Variants in NXPE2 observed in about 807,000 individuals in gnomAD.
The protein encoded by NXPE2 is neurexophilin and PC-esterase domain family member 2.
A neutral mutation model predicts 34.4 loss-of-function variants in NXPE2; 34 were observed. That is an observed-to-expected ratio of 0.99 (90% CI 0.75 to 1.31). The LOEUF is 1.31. Ranked by LOEUF, NXPE2 falls within the 40% of genes most tolerant of loss-of-function variation. The probability of loss-of-function intolerance (pLI) is 0.00; values close to 1 mark genes in which losing one functional copy is unlikely to be tolerated. For missense variants in NXPE2, 649 were observed against 672.5 expected (o/e 0.97, Z 0.39); for synonymous variants, 235 against 231.3 (o/e 1.02, Z -0.15).
chr11:114,610,998 A>G, the NXPE2 span, among the ~76,000 whole-genome samples: 1 of 151,714 alleles, frequency 6.6e-6, no homozygotes, highest in Non-Finnish European at 1.5e-5. Context: ...TACCCACTGG[A>G]TAATAAATGT....
the NXPE2 span, among the ~76,000 whole-genome samples, chr11:114,772,600 T>C: frequency 1.3e-5 from 2 of 152,166 alleles, no homozygotes; most frequent in South Asian, 4.2e-4. Context: ...TCAGCTTTAT[T>C]AGGACACTAT....
At chr11:114,498,379 A>C in the NXPE2 span, among the ~76,000 whole-genome samples, 1 of 152,156 alleles carries the variant, frequency 6.6e-6, no homozygotes, top group Non-Finnish European at 1.5e-5. Context: ...TGATTTGATC[A>C]TTAGACATTG....
downstream of NXPE2, among the ~76,000 whole-genome samples, chr11:114,711,958 T>C (rs1354528357): frequency 6.6e-6 from 1 of 152,078 alleles, no homozygotes; most frequent in Non-Finnish European, 1.5e-5. Context: ...CATATCTGGC[T>C]ACATGATTTT....
the NXPE2 span, among the ~76,000 whole-genome samples, chr11:114,663,832 T>C: frequency 0.015 from 2,229 of 152,196 alleles, 43 homozygotes; most frequent in African/African-American, 0.051. Context: ...CCAGAAAAGA[T>C]ATGAGCATAT....
intron 2 of NXPE2, among the ~76,000 whole-genome samples, chr11:114,686,100 A>AT (rs1357184864): frequency 1.3e-5 from 2 of 151,942 alleles, no homozygotes; most frequent in African/African-American, 2.4e-5. Flanking sequence ...TCTATAATTT[A>AT]TTTTTTTCTA....
chr11:114,604,494 G>A, the NXPE2 span, among the ~76,000 whole-genome samples: 5 of 151,806 alleles, frequency 3.3e-5, no homozygotes, highest in African/African-American at 1.2e-4. Flanking sequence ...TGGATAATAA[G>A]TGTTGCCTCT....
At chr11:114,584,625 A>T in the NXPE2 span, 1 of 157,292 alleles carries the variant, frequency 6.4e-6, no homozygotes, top group Non-Finnish European at 1.4e-5. Flanking sequence ...AAGAAATGTC[A>T]CAGAAGAGGA....
At chr11:114,613,573 A>G in the NXPE2 span, among the ~76,000 whole-genome samples, 2 of 151,848 alleles carry the variant, frequency 1.3e-5, no homozygotes, top group Non-Finnish European at 2.9e-5. Context: ...CTATTGGGTA[A>G]CCACTGTTAC....
the NXPE2 span, among the ~76,000 whole-genome samples, chr11:114,749,717 C>G: frequency 1.9e-4 from 29 of 152,176 alleles, no homozygotes; most frequent in Non-Finnish European, 5.9e-5. Flanking sequence ...TGCTACCATC[C>G]CTTCTTCATG....
the NXPE2 span, among the ~76,000 whole-genome samples, chr11:114,498,417 C>G: frequency 6.6e-6 from 1 of 151,964 alleles, no homozygotes; most frequent in Non-Finnish European, 1.5e-5. Flanking sequence ...ATCACATGTA[C>G]TACATAAATG....
the NXPE2 span, among the ~76,000 whole-genome samples, chr11:114,801,878 G>A: frequency 6.6e-6 from 1 of 152,092 alleles, no homozygotes; most frequent in African/African-American, 2.4e-5. Flanking sequence ...AGGGATGAGT[G>A]TTGTGTTGGA....
the NXPE2 span, among the ~76,000 whole-genome samples, chr11:114,635,490 T>A: frequency 1.3e-5 from 2 of 151,972 alleles, no homozygotes; most frequent in Non-Finnish European, 2.9e-5. Flanking sequence ...GGCCAGAACT[T>A]CCAGCACTCT....
At chr11:114,722,366 G>A in the NXPE2 span, among the ~76,000 whole-genome samples, 1 of 151,384 alleles carries the variant, frequency 6.6e-6, no homozygotes, top group South Asian at 2.1e-4. Flanking sequence ...ATGACAGTAA[G>A]TATCCTGAGG....
chr11:114,791,366 A>G, the NXPE2 span, among the ~76,000 whole-genome samples: 1 of 152,178 alleles, frequency 6.6e-6, no homozygotes, highest in Non-Finnish European at 1.5e-5. Flanking sequence ...GGAAGCTGCC[A>G]TGAGGAAGCC....
the NXPE2 span, among the ~76,000 whole-genome samples, chr11:114,762,350 T>C: frequency 1.3e-5 from 2 of 152,180 alleles, no homozygotes; most frequent in Non-Finnish European, 2.9e-5. Context: ...CACAGCCTGA[T>C]ATTTAGGAAC....
At chr11:114,493,304 A>T in the NXPE2 span, among the ~76,000 whole-genome samples, 1 of 152,018 alleles carries the variant, frequency 6.6e-6, no homozygotes, top group Non-Finnish European at 1.5e-5. Flanking sequence ...AGTTTAGTTC[A>T]TTTACATTCA....
the NXPE2 span, among the ~76,000 whole-genome samples, chr11:114,653,058 G>A: frequency 1.5e-4 from 23 of 152,280 alleles, no homozygotes; most frequent in South Asian, 4.6e-3. Flanking sequence ...ATATTCCATT[G>A]AGCCTTGTGC....
chr11:114,688,737 T>C (rs1951092055), intron 2 of NXPE2, among the ~76,000 whole-genome samples: 1 of 151,858 alleles, frequency 6.6e-6, no homozygotes, highest in South Asian at 2.1e-4. Context: ...GCATGATAGG[T>C]TTTTAAACAA....
chr11:114,474,367 G>A, the NXPE2 span, among the ~76,000 whole-genome samples: 5 of 152,298 alleles, frequency 3.3e-5, no homozygotes, highest in East Asian at 1.9e-4. Flanking sequence ...AGAGAGAGTA[G>A]TGACTAGCAA....
Sources: gnomAD v4.1 joint callset for allele counts (sites outside exome capture counted in the v4.1 genomes callset) on GRCh38, gnomAD v4.1.1 for gene constraint, MANE v1.5 for transcripts, NCBI Gene and HGNC (gene_info 2026-07-23, HGNC 2026-07-21) for gene names.